Variants in ASB3 observed in about 807,000 individuals in gnomAD.
ASB3 encodes the protein ankyrin repeat and SOCS box protein 3.
A neutral mutation model predicts 54.5 loss-of-function variants in ASB3; 41 were observed. The observed-to-expected ratio is 0.75, with a 90% CI of 0.59 to 0.98. The LOEUF (loss-of-function observed/expected upper bound fraction) is 0.98. Ranked by LOEUF, ASB3 falls within the 50% of genes least tolerant of loss-of-function variation. The pLI is 0.00. For synonymous variants in ASB3, 266 were observed against 221.2 expected (o/e 1.20, Z -1.80); for missense variants, 733 against 620.0 (o/e 1.18, Z -1.94).
intron 3 of ASB3, among the ~76,000 whole-genome samples, chr2:53,735,183 G>A (rs1402860446): frequency 6.6e-6 from 1 of 152,000 alleles, no homozygotes; most frequent in East Asian, 1.9e-4. Context: ...GCCTCCCAAA[G>A]TGCTGGGATT....
intron 2 of ASB3, among the ~76,000 whole-genome samples, chr2:53,755,821 G>A (rs74258801): frequency 0.066 from 10,065 of 152,104 alleles, 537 homozygotes; most frequent in East Asian, 0.28. Flanking sequence ...ATATAACACC[G>A]AAGGATTAAT....
Position 53,714,601 on chromosome 2 carries a change from G to C in ASB3, c.783-20C>G, listed in dbSNP as rs771523495. ...AAGATTCTATAAATACACAAATTCA[G>C]GAGAATTTAGTGTTTGTATATGTGC... On this transcript the variant is annotated intron_variant, in intron 6 of 9. Coordinates refer to ENST00000263634, the MANE Select transcript of ASB3 (RefSeq NM_016115.5). 1 of 1,611,170 alleles carries C rather than the reference G, an allele frequency of 6.2e-7. No homozygotes were observed. Among genetic ancestry groups the C allele is most frequent in the Non-Finnish European group, 8.5e-7 (1 of 1,178,484 alleles).
intron 1 of ASB3, among the ~76,000 whole-genome samples, chr2:53,770,183 G>A (rs11683003): frequency 0.018 from 2,788 of 152,110 alleles, 36 homozygotes; most frequent in Middle Eastern, 0.058. Flanking sequence ...ACACAGGAAC[G>A]TTTATAGTTC....
At chr2:53,708,642 G>C (rs1461128732) in intron 7 of ASB3, among the ~76,000 whole-genome samples, 1 of 152,244 alleles carries the variant, frequency 6.6e-6, no homozygotes, top group East Asian at 1.9e-4. Context: ...TGTCACCAAA[G>C]TGCTGATAGT....
At chr2:53,752,349 G>A (rs567857205) in intron 2 of ASB3, among the ~76,000 whole-genome samples, 1 of 152,168 alleles carries the variant, frequency 6.6e-6, no homozygotes, top group Non-Finnish European at 1.5e-5. Context: ...GAGGAGAGCA[G>A]AATTTATTAA....
chr2:53,765,557 C>T lies in ASB3; in HGVS notation c.16G>A (p.Ala6Thr). Residue 6 changes from alanine (A) to threonine (T), a missense_variant, in exon 2 of 10, where the codon GCT (alanine) becomes ACT (threonine). Transcript: ENST00000263634. MDFTEAYADTCSTVGL... is the reference protein window; with the variant it reads MDFTETYADTCSTVGL... ...ACTGTAGAGCACGTGTCCGCGTAAG[C>T]CTCTGTAAAATCCATTTGTTTGACC... 6.2e-7 allele frequency: 1 copy of T among 1,614,160 alleles called. No homozygotes were observed. The highest frequency in any genetic ancestry group is 1.3e-5 in the African/African-American group (1 of 75,032).
At chr2:53,741,046 T>G (rs1671906026) in intron 3 of ASB3, among the ~76,000 whole-genome samples, 1 of 152,196 alleles carries the variant, frequency 6.6e-6, no homozygotes, top group Admixed American at 6.5e-5. Context: ...AGCAGTATTC[T>G]CCTTACTAGA....
intron 5 of ASB3, among the ~76,000 whole-genome samples, chr2:53,726,897 T>C (rs571647402): frequency 6.6e-6 from 1 of 152,140 alleles, no homozygotes; most frequent in African/African-American, 2.4e-5. Context: ...TTTCACCATG[T>C]TGGCTGGGCT....
In ASB3 at chr2:53,670,698, A is replaced by C; in HGVS notation, c.1370-8T>G. On this transcript the variant is annotated splice_polypyrimidine_tract_variant and splice_region_variant and intron_variant, in intron 9 of 9. Coordinates refer to ENST00000263634, the MANE Select transcript of ASB3 (RefSeq NM_016115.5). Reference sequence around the variant, plus strand: ...TCAGGGATGGAACAGTGGCTGGAGAAACAAAAAAAGCAAGGTGAAACTTTT... The same window carrying C: ...TCAGGGATGGAACAGTGGCTGGAGACACAAAAAAAGCAAGGTGAAACTTTT... 1 of 1,592,202 alleles carries C rather than the reference A, an allele frequency of 6.3e-7. No homozygotes were observed. Among genetic ancestry groups the C allele is most frequent in the Non-Finnish European group, 8.5e-7 (1 of 1,171,470 alleles).
intron 5 of ASB3, among the ~76,000 whole-genome samples, chr2:53,717,525 A>C (rs1178228021): frequency 6.6e-6 from 1 of 152,206 alleles, no homozygotes; most frequent in African/African-American, 2.4e-5. Context: ...TAGTGAAAGA[A>C]AGAAAAAGAA....
At chr2:53,675,954 A>G (rs1303544908) in intron 9 of ASB3, among the ~76,000 whole-genome samples, 1 of 152,228 alleles carries the variant, frequency 6.6e-6, no homozygotes, top group African/African-American at 2.4e-5. Context: ...TCACTCAGTT[A>G]AAATGTCATC....
chr2:53,743,911 CAG>C (rs1208246008), intron 3 of ASB3, among the ~76,000 whole-genome samples: 5 of 151,852 alleles, frequency 3.3e-5, no homozygotes, highest in Non-Finnish European at 5.9e-5. Flanking sequence ...GGCATGGTGG[CAG>C]GCACCTGTAA....
intron 9 of ASB3, 126 bp downstream of exon 9, chr2:53,693,758 T>G: frequency 7.3e-7 from 1 of 1,365,802 alleles, no homozygotes; most frequent in Non-Finnish European, 9.7e-7. Flanking sequence ...TTTCCTCACA[T>G]AAGAAAATGC....
intron 5 of ASB3, among the ~76,000 whole-genome samples, chr2:53,721,099 A>C (rs1056026326): frequency 7.3e-5 from 11 of 151,230 alleles, no homozygotes; most frequent in African/African-American, 2.7e-4. Flanking sequence ...GTCTGGGTAC[A>C]GAGCAAGACC....
Position 53,670,209 on chromosome 2 carries a change from C to A in ASB3, c.*294G>T, listed in dbSNP as rs1667743851. 4.5e-6 allele frequency: 1 copy of A among 220,540 alleles called. No individual in the cohort carries two copies. The highest frequency in any genetic ancestry group is 1.1e-4 in the East Asian group (1 of 8,696). 13.7% of individuals were successfully genotyped at this position (220,540 alleles called of 1,614,324 possible). ...TTAGCAAAATAAAGCAGAAAATGAT[C>A]AAAATGATCAGGTAAATAAATATTA... On this transcript the variant is annotated 3_prime_UTR_variant, in exon 10 of 10. Transcript: ENST00000263634.
chr2:53,754,239 T>C (rs897350583), intron 2 of ASB3, among the ~76,000 whole-genome samples: 2 of 152,106 alleles, frequency 1.3e-5, no homozygotes, highest in African/African-American at 4.8e-5. Context: ...CAGATATAAA[T>C]GACTAAATAT....
intron 1 of ASB3, among the ~76,000 whole-genome samples, chr2:53,771,019 C>G (rs184535055): frequency 1.5e-4 from 23 of 152,200 alleles, no homozygotes; most frequent in African/African-American, 5.5e-4. Flanking sequence ...AGTATGAGCC[C>G]CAGAACAATT....
chr2:53,712,137 T>C (rs954719686), intron 7 of ASB3, among the ~76,000 whole-genome samples: 2 of 151,472 alleles, frequency 1.3e-5, no homozygotes, highest in Admixed American at 6.6e-5. Flanking sequence ...AATGAGATAA[T>C]AGCTCCTATT....
chr2:53,751,883 G>A (rs1025044135), intron 2 of ASB3, among the ~76,000 whole-genome samples: 4 of 151,598 alleles, frequency 2.6e-5, no homozygotes, highest in African/African-American at 7.2e-5. Context: ...GGGCAAGATA[G>A]AGTAGTCATA....
Sources: gnomAD v4.1 joint callset for allele counts (sites outside exome capture counted in the v4.1 genomes callset) on GRCh38, gnomAD v4.1.1 for gene constraint, MANE v1.5 for transcripts, NCBI Gene and HGNC (gene_info 2026-07-23, HGNC 2026-07-21) for gene names.